P3H2: variants seen among roughly 807,000 people sequenced by gnomAD.
P3H2 encodes the protein prolyl 3-hydroxylase 2, also known as leprecan-like 1.
P3H2 carries 80 observed loss-of-function variants against 87.0 expected under a neutral mutation model. The ratio of observed to expected loss-of-function variants is 0.92; its 90% CI spans 0.77 to 1.11. The LOEUF (loss-of-function observed/expected upper bound fraction) is 1.11, where lower values mean the gene tolerates loss of function less well. Ranked by LOEUF, P3H2 falls within the 50% of genes least tolerant of loss-of-function variation. The pLI, the probability that P3H2 is intolerant of heterozygous loss-of-function variation, is 0.00. For synonymous variants in P3H2, 367 were observed against 359.3 expected (o/e 1.02, Z -0.24); for missense variants, 1,001 against 923.9 (o/e 1.08, Z -1.08).
chr3:189,976,359 A>G (rs1723347985), intron 8 of P3H2, among the ~76,000 whole-genome samples: 1 of 152,218 alleles, frequency 6.6e-6, no homozygotes, highest in Admixed American at 6.5e-5. Flanking sequence ...AGGCCTCACA[A>G]TCATGGTGGA....
intron 5 of P3H2, among the ~76,000 whole-genome samples, 178 bp downstream of exon 5, chr3:189,987,346 GCAT>G (rs1723734098): frequency 6.6e-6 from 1 of 152,084 alleles, no homozygotes; most frequent in African/African-American, 2.4e-5. Context: ...GGGTGTGGTG[GCAT>G]GTGCCTGTAA....
chr3:189,973,764 T>C (rs1422336338), intron 10 of P3H2, 145 bp downstream of exon 10: 3 of 741,050 alleles, frequency 4.0e-6, no homozygotes, highest in African/African-American at 1.7e-5. Flanking sequence ...GACCTCGTGA[T>C]CTGCCTGCCT....
chr3:189,980,005 A>G (rs933204734), intron 8 of P3H2, among the ~76,000 whole-genome samples: 1 of 152,054 alleles, frequency 6.6e-6, no homozygotes, highest in Non-Finnish European at 1.5e-5. Context: ...GGTGAGTGAA[A>G]GGAGAATGGA....
rs1723152367 is a variant in P3H2 at position 189,970,745 on chromosome 3, TA to T, written c.1893+70del. The T allele has an allele frequency of 9.1e-6, 8 of 876,660 alleles. No homozygotes were observed. In the East Asian group the frequency reaches 1.7e-4, roughly 19 times the overall value. The allele number at this position is 876,660 out of a possible 1,614,324, so 54.3% of individuals were successfully genotyped here. A position where few individuals can be genotyped will look rare whatever the true frequency, so the allele number is the denominator to read the frequency against. On this transcript the variant is annotated intron_variant, in intron 13 of 14. Transcript: ENST00000319332. ...GAAGTATTTGAAATCTAACCATCTG[TA>T]AGTACTTAGAAAAATGGCAATACTG...
At position 189,973,270 on chromosome 3, in the gene P3H2, T is replaced by A. The variant is rs554723528; in HGVS notation, c.1549-246A>T. The A allele has an allele frequency of 4.4e-5, 21 of 478,970 alleles. No individual in the cohort carries two copies. In the East Asian group the frequency reaches 7.4e-4, roughly 17 times the overall value. The allele number at this position is 478,970 out of a possible 1,614,324, so 29.7% of individuals were successfully genotyped here. A position where few individuals can be genotyped will look rare whatever the true frequency, so the allele number is the denominator to read the frequency against. On this transcript the variant is annotated intron_variant, in intron 10 of 14. Transcript: ENST00000319332. ...TCTTCTATTATAATATGTTCTACCA[T>A]CCTCTCTAACAACCCTTCCTGCAGT... is the stretch of plus-strand genomic sequence containing the variant.
chr3:189,969,858 C>G, intron 13 of P3H2: 1 of 1,397,926 alleles, frequency 7.2e-7, no homozygotes, highest in Non-Finnish European at 1.0e-6. Context: ...GTGCTTGAGG[C>G]CATGTCCGCA....
chr3:190,005,272 T>C (rs1724352818), intron 1 of P3H2, among the ~76,000 whole-genome samples: 1 of 152,138 alleles, frequency 6.6e-6, no homozygotes, highest in South Asian at 2.1e-4. Context: ...TCACAAGCAC[T>C]GGGAATCAAA....
intron 1 of P3H2, among the ~76,000 whole-genome samples, chr3:190,111,391 C>T (rs1347458730): frequency 2.6e-5 from 4 of 152,122 alleles, no homozygotes; most frequent in Non-Finnish European, 1.5e-5. Flanking sequence ...TCTTACAGTG[C>T]TGTAAAATTT....
At chr3:190,101,260 A>T (rs861420) in intron 1 of P3H2, among the ~76,000 whole-genome samples, 1 of 151,166 alleles carries the variant, frequency 6.6e-6, no homozygotes, top group African/African-American at 2.4e-5. Flanking sequence ...CATATCTCTC[A>T]CTTTAAATCA....
chr3:190,041,859 A>T (rs1437258694), intron 1 of P3H2, among the ~76,000 whole-genome samples: 1 of 152,258 alleles, frequency 6.6e-6, no homozygotes, highest in Non-Finnish European at 1.5e-5. Flanking sequence ...CTTAAAAAAA[A>T]TTTTAACATA....
At chr3:190,115,548 T>A (rs1482590604) in intron 1 of P3H2, among the ~76,000 whole-genome samples, 1 of 152,054 alleles carries the variant, frequency 6.6e-6, no homozygotes, top group Non-Finnish European at 1.5e-5. Context: ...AGGTACAATA[T>A]GTCAAGGGTA....
At position 189,974,572 on chromosome 3, in the gene P3H2, G is replaced by A; in HGVS notation, c.1438C>T (p.His480Tyr). 6.2e-7 allele frequency: 1 copy of A among 1,613,896 alleles called. No individual in the cohort carries two copies. Among genetic ancestry groups the A allele is most frequent in the Non-Finnish European group, 8.5e-7 (1 of 1,180,022 alleles). ...VLSEEQCRELHSVASGIMLVG... is the reference protein window; with the variant it reads ...VLSEEQCRELYSVASGIMLVG... ...CGGATCCTCACACTGGCCACGCTGT[G>A]GAGCTCCCGGCACTGTTCTTCCGAC... is the stretch of plus-strand genomic sequence containing the variant. The change falls in exon 9 of 15, where the codon CAC becomes TAC. Residue 480 changes from histidine to tyrosine, a missense_variant. Transcript: ENST00000319332.
At chr3:190,122,086 C>CA (rs62739160), upstream of P3H2, 15,889 of 122,080 alleles carry the variant, frequency 0.13, 1,345 homozygotes, top group East Asian at 0.17. Context: ...GTCTCAAAAA[C>CA]AAAAAAAACA....
chr3:189,995,098 T>C (rs912134449), intron 2 of P3H2, among the ~76,000 whole-genome samples, 192 bp downstream of exon 2: 1 of 152,148 alleles, frequency 6.6e-6, no homozygotes, highest in African/African-American at 2.4e-5. Context: ...AAAATTTTAA[T>C]TAAAATTTTA....
At chr3:189,989,999 C>A (rs1723829126) in intron 3 of P3H2, among the ~76,000 whole-genome samples, 1 of 152,150 alleles carries the variant, frequency 6.6e-6, no homozygotes, top group Non-Finnish European at 1.5e-5. Flanking sequence ...TGAGTGGGTT[C>A]TTTTGAGAAT....
chr3:189,989,128 C>A (rs914448046), intron 3 of P3H2, 90 bp from the exon 4 acceptor site: 5 of 1,469,692 alleles, frequency 3.4e-6, no homozygotes, highest in Non-Finnish European at 4.7e-6. Context: ...GGTCATTCCT[C>A]ACCTCACCAC....
chr3:189,997,308 A>G (rs1401542446), intron 1 of P3H2, among the ~76,000 whole-genome samples: 1 of 152,230 alleles, frequency 6.6e-6, no homozygotes, highest in Non-Finnish European at 1.5e-5. Flanking sequence ...GAGAATTTCA[A>G]TAGAGAGATC....
intron 2 of P3H2, 120 bp from the exon 3 acceptor site, chr3:189,994,403 G>T: frequency 1.3e-6 from 1 of 767,364 alleles, no homozygotes; most frequent in Non-Finnish European, 2.2e-6. Context: ...TGGGGTACTG[G>T]ATGCTTCTGC....
chr3:190,003,696 G>A (rs970429939), intron 1 of P3H2, among the ~76,000 whole-genome samples: 1 of 152,206 alleles, frequency 6.6e-6, no homozygotes, highest in Non-Finnish European at 1.5e-5. Context: ...CGGGTCGAAT[G>A]AAGTTAGTGT....
Sources: gnomAD v4.1 joint callset for allele counts (sites outside exome capture counted in the v4.1 genomes callset) on GRCh38, gnomAD v4.1.1 for gene constraint, MANE v1.5 for transcripts, NCBI Gene and HGNC (gene_info 2026-07-23, HGNC 2026-07-21) for gene names.